Variants in TSPAN9 observed in about 807,000 individuals in gnomAD.
The protein encoded by TSPAN9 is tetraspanin-9.
A neutral mutation model predicts 31.0 loss-of-function variants in TSPAN9; 16 were observed. The observed-to-expected ratio is 0.52, with a 90% CI of 0.35 to 0.78. The LOEUF (loss-of-function observed/expected upper bound fraction) is 0.78, where lower values mean the gene tolerates loss of function less well. Ranked by LOEUF, TSPAN9 falls within the 30% of genes least tolerant of loss-of-function variation. The probability of loss-of-function intolerance (pLI) is 0.01; values close to 1 mark genes in which losing one functional copy is unlikely to be tolerated. For missense variants in TSPAN9, 272 were observed against 312.5 expected (o/e 0.87, Z 0.98); for synonymous variants, 145 against 121.6 (o/e 1.19, Z -1.27).
chr12:3,102,392 G>T (rs1382919696), intron 2 of TSPAN9, among the ~76,000 whole-genome samples: 1 of 151,510 alleles, frequency 6.6e-6, no homozygotes, highest in Non-Finnish European at 1.5e-5. Flanking sequence ...CTCCCAAAGT[G>T]CTGGGGTTAC....
chr12:3,210,039 G>A (rs1156486748), intron 3 of TSPAN9, among the ~76,000 whole-genome samples: 1 of 149,386 alleles, frequency 6.7e-6, no homozygotes, highest in African/African-American at 2.5e-5. Flanking sequence ...GGGAGGCTGA[G>A]GCAGGAGAAT....
At chr12:3,239,955 G>A (rs1443236677) in intron 3 of TSPAN9, among the ~76,000 whole-genome samples, 1 of 152,074 alleles carries the variant, frequency 6.6e-6, no homozygotes, top group Non-Finnish European at 1.5e-5. Context: ...AGGTGCAGAG[G>A]AGAGGCCTGA....
At chr12:3,209,988 T>TAAAA (rs1565614937) in intron 3 of TSPAN9, among the ~76,000 whole-genome samples, 1 of 32,708 alleles carries the variant, frequency 3.1e-5, no homozygotes, top group Non-Finnish European at 9.2e-5. Flanking sequence ...AAAAAAAAAT[T>TAAAA]AGCCGGGTGT....
rs775219139 is a variant in TSPAN9, at chr12:3,280,355, G to A, written c.331-27G>A. On this transcript the variant is annotated intron_variant, in intron 5 of 8. Coordinates refer to ENST00000011898, the MANE Select transcript of TSPAN9 (RefSeq NM_006675.5). The surrounding 1 kb of genome is among the most constrained non-coding windows in gnomAD (Gnocchi z 4.5). ...GACGAGCTGCGTCCTGGTTCCAACC[G>A]TCTCACTGTGTCCCTCCGCCTGGCA... 35 of 1,606,658 alleles carry A rather than the reference G, an allele frequency of 2.2e-5. No homozygotes were observed. Among genetic ancestry groups the A allele is most frequent in the African/African-American group, 8.0e-5 (6 of 74,940 alleles).
intron 3 of TSPAN9, among the ~76,000 whole-genome samples, chr12:3,212,861 G>A (rs1048311342): frequency 1.3e-5 from 2 of 152,162 alleles, no homozygotes; most frequent in African/African-American, 4.8e-5. Context: ...GCTCTCCAGG[G>A]ACTATGAGAA....
chr12:3,228,112 G>A (rs905870837), intron 3 of TSPAN9, among the ~76,000 whole-genome samples: 7 of 152,168 alleles, frequency 4.6e-5, no homozygotes, highest in African/African-American at 1.7e-4. Flanking sequence ...ACTTTGGAAG[G>A]CCGAGATGGG....
At chr12:3,127,678 G>A (rs1027423082) in intron 2 of TSPAN9, among the ~76,000 whole-genome samples, 1 of 152,082 alleles carries the variant, frequency 6.6e-6, no homozygotes, top group African/African-American at 2.4e-5. Flanking sequence ...TTAATTAAAG[G>A]CATATACTCT....
At chr12:3,131,310 G>A (rs190894266) in intron 2 of TSPAN9, among the ~76,000 whole-genome samples, 8 of 152,278 alleles carry the variant, frequency 5.3e-5, no homozygotes, top group African/African-American at 1.9e-4. Context: ...AGCGACAGTG[G>A]GACTTGGTTG....
At chr12:3,144,452 A>C (rs1244298675) in intron 2 of TSPAN9, among the ~76,000 whole-genome samples, 1 of 152,174 alleles carries the variant, frequency 6.6e-6, no homozygotes, top group African/African-American at 2.4e-5. Context: ...GTGATGACAG[A>C]GACGGAGGCA....
intron 3 of TSPAN9, among the ~76,000 whole-genome samples, chr12:3,206,966 C>A (rs1252769091): frequency 1.3e-5 from 2 of 152,106 alleles, no homozygotes; most frequent in East Asian, 1.9e-4. Flanking sequence ...TGGTCCAGAG[C>A]CTATGCCAGG....
rs2098315073 is a variant in TSPAN9, at chr12:3,107,106, C to A, written c.-18+23387C>A. ...AGAAACCTTGCCGCCACCACCACCACTGCTGCCACCGCAGAGCACGAAATC... is the reference window on the plus strand; with the variant it reads ...AGAAACCTTGCCGCCACCACCACCAATGCTGCCACCGCAGAGCACGAAATC... On this transcript the variant is annotated intron_variant, in intron 2 of 8. Coordinates refer to ENST00000011898, the MANE Select transcript of TSPAN9 (RefSeq NM_006675.5). The surrounding 1 kb of genome is among the most constrained non-coding windows in gnomAD (Gnocchi z 4.1). 6.6e-6 allele frequency among the ~76,000 whole-genome samples: 1 copy of A among 152,216 alleles called. No individual in the cohort carries two copies. Among genetic ancestry groups the A allele is most frequent in the Non-Finnish European group, 1.5e-5 (1 of 68,050 alleles).
intron 2 of TSPAN9, among the ~76,000 whole-genome samples, chr12:3,117,645 G>A (rs893098513): frequency 2.0e-5 from 3 of 152,126 alleles, no homozygotes; most frequent in Admixed American, 1.3e-4. Context: ...TTTTGGAAAG[G>A]CCATCCCTAA....
rs917813116 is a variant in TSPAN9, at chr12:3,167,158, A to G, written c.-17-34019A>G. Among the ~76,000 whole-genome samples, 17 of 152,038 alleles carry G rather than the reference A, an allele frequency of 1.1e-4. 1 individual carries two copies. Among genetic ancestry groups the G allele is most frequent in the South Asian group, 2.1e-4 (1 of 4,812 alleles). On this transcript the variant is annotated intron_variant, in intron 2 of 8. Transcript: ENST00000011898. ...GCTTGCGTTCTTTTGTCTAGCTTCT[A>G]TTTCTCAACATTAAAAAAAATAAGA...
At position 3,187,284 on chromosome 12, in the gene TSPAN9, T is replaced by A. The variant is rs1192018128; in HGVS notation, c.-17-13893T>A. ...TTTCCAGGATTGGCAGGGCTTGTCCTTTGGTGTTGTGATGTGGGGCGTCTC... is the reference window on the plus strand; with the variant it reads ...TTTCCAGGATTGGCAGGGCTTGTCCATTGGTGTTGTGATGTGGGGCGTCTC... On this transcript the variant is annotated intron_variant, in intron 2 of 8. Coordinates refer to ENST00000011898, the MANE Select transcript of TSPAN9 (RefSeq NM_006675.5). The surrounding 1 kb of genome is among the most constrained non-coding windows in gnomAD (Gnocchi z 5.2). 6.6e-6 allele frequency among the ~76,000 whole-genome samples: 1 copy of A among 152,136 alleles called. No individual in the cohort carries two copies. The highest frequency in any genetic ancestry group is 1.5e-5 in the Non-Finnish European group (1 of 68,010).
chr12:3,254,608 G>A (rs1205573404), intron 3 of TSPAN9, among the ~76,000 whole-genome samples: 2 of 152,164 alleles, frequency 1.3e-5, no homozygotes, highest in South Asian at 2.1e-4. Context: ...CCTGTAGAAC[G>A]TTCACCAGGC....
At chr12:3,089,319 A>G (rs1247956077) in intron 2 of TSPAN9, among the ~76,000 whole-genome samples, 5 of 134,064 alleles carry the variant, frequency 3.7e-5, no homozygotes, top group African/African-American at 1.4e-4. Context: ...TTTTTTTGAG[A>G]CAAGTCTTGT....
intron 2 of TSPAN9, among the ~76,000 whole-genome samples, chr12:3,132,209 A>C (rs1175726447): frequency 2.0e-5 from 3 of 152,142 alleles, no homozygotes; most frequent in Non-Finnish European, 2.9e-5. Flanking sequence ...GGGCTGTTGT[A>C]AATAGAGCTG....
chr12:3,122,794 A>T (rs1356461560), intron 2 of TSPAN9, among the ~76,000 whole-genome samples: 3 of 151,976 alleles, frequency 2.0e-5, no homozygotes, highest in Non-Finnish European at 4.4e-5. Flanking sequence ...ATTAAATGTC[A>T]TTGTTTTTTC....
At chr12:3,111,215 A>T (rs140702033) in intron 2 of TSPAN9, among the ~76,000 whole-genome samples, 3 of 152,118 alleles carry the variant, frequency 2.0e-5, no homozygotes, top group Non-Finnish European at 4.4e-5. Context: ...GAATTCTTGT[A>T]CCACTTCAGA....
Sources: gnomAD v4.1 joint callset for allele counts (sites outside exome capture counted in the v4.1 genomes callset) on GRCh38, gnomAD v4.1.1 for gene constraint, Gnocchi (gnomAD v3.1) non-coding constraint, MANE v1.5 for transcripts, NCBI Gene and HGNC (gene_info 2026-07-23, HGNC 2026-07-21) for gene names.